The following OXR1 variants were observed in gnomAD, a reference collection of about 807,000 sequenced individuals.
The protein encoded by OXR1 is oxidation resistance protein 1.
OXR1 carries 41 observed loss-of-function variants against 104.6 expected under a neutral mutation model. That is an observed-to-expected ratio of 0.39 (90% confidence interval 0.31 to 0.51). The LOEUF is 0.51. OXR1 is among the 20% of genes least tolerant of loss of function. The pLI is 0.77. For synonymous variants in OXR1, 348 were observed against 348.4 expected (o/e 1.00, Z 0.01); for missense variants, 955 against 1,031.9 (o/e 0.93, Z 1.02).
rs907343723 is a variant in OXR1 at position 106,740,614 on chromosome 8, C to T, written c.2316+119C>T. ...CATTTTATTGTTTAACTGATAATTA[C>T]TGGGTACTTTTAATATGCAAGGCAA... On this transcript the variant is annotated intron_variant, in intron 14 of 16. Coordinates refer to ENST00000517566, the MANE Select transcript of OXR1 (RefSeq NM_001198533.2). The T allele has an allele frequency of 6.1e-6, 5 of 816,130 alleles. No homozygotes were observed. In the African/African-American group the frequency reaches 7.0e-5, roughly 11 times the overall value. The allele number at this position is 816,130 out of a possible 1,614,324, so 50.6% of individuals were successfully genotyped here. A position where few individuals can be genotyped will look rare whatever the true frequency, so the allele number is the denominator to read the frequency against.
intron 11 of OXR1, among the ~76,000 whole-genome samples, 181 bp downstream of exon 11, chr8:106,714,166 T>C (rs997326931): frequency 6.6e-6 from 1 of 152,032 alleles, no homozygotes. Context: ...TAATACTATA[T>C]TTGTCATTCT....
At chr8:106,629,409 A>C (rs532648807) in intron 3 of OXR1, among the ~76,000 whole-genome samples, 1 of 152,276 alleles carries the variant, frequency 6.6e-6, no homozygotes, top group South Asian at 2.1e-4. Context: ...AGTCAGTGTA[A>C]GTTCTATGAA....
chr8:106,631,725 ATGT>A (rs1337800896), intron 3 of OXR1, among the ~76,000 whole-genome samples: 4 of 152,186 alleles, frequency 2.6e-5, no homozygotes, highest in African/African-American at 7.2e-5. Flanking sequence ...GAGCTAGATC[ATGT>A]TGTAAAGGAT....
At chr8:106,517,198 T>A (rs192869237) in intron 2 of OXR1, among the ~76,000 whole-genome samples, 151 of 152,302 alleles carry the variant, frequency 9.9e-4, no homozygotes, top group African/African-American at 3.0e-3. Flanking sequence ...TTGTTGTCAA[T>A]GTAATAACTC....
rs114994773 is a variant in OXR1, at chr8:106,550,890, C to T, written c.220+31751C>T. ...TTAACAGTCCAAACTAAGTGATGAC[C>T]AAGCAATGCAGAAAAGAACTGTTAA... On this transcript the variant is annotated intron_variant, in intron 3 of 16. Transcript: ENST00000517566. Among the ~76,000 whole-genome samples, 241 of 152,262 alleles carry T rather than the reference C, an allele frequency of 1.6e-3. 1 individual carries two copies. The highest frequency in any genetic ancestry group is 5.7e-3 in the African/African-American group (236 of 41,544).
At chr8:106,337,039 T>C (rs1399342663) in intron 1 of OXR1, among the ~76,000 whole-genome samples, 1 of 152,240 alleles carries the variant, frequency 6.6e-6, no homozygotes, top group Non-Finnish European at 1.5e-5. Context: ...GTCAGTTTTC[T>C]AATTGGGAAA....
At chr8:106,329,233 C>T (rs1814609734) in intron 1 of OXR1, among the ~76,000 whole-genome samples, 1 of 151,702 alleles carries the variant, frequency 6.6e-6, no homozygotes, top group African/African-American at 2.4e-5. Context: ...CTCAGGTGAT[C>T]CGCCCACCTC....
intron 1 of OXR1, among the ~76,000 whole-genome samples, chr8:106,294,262 G>A (rs1812884572): frequency 6.6e-6 from 1 of 151,764 alleles, no homozygotes; most frequent in South Asian, 2.1e-4. Flanking sequence ...CGGGTGTGGT[G>A]GCATGTGCCT....
At chr8:106,584,702 A>C (rs1212607270) in intron 3 of OXR1, among the ~76,000 whole-genome samples, 1 of 152,160 alleles carries the variant, frequency 6.6e-6, no homozygotes, top group East Asian at 1.9e-4. Context: ...CACATTTTAA[A>C]AATTTCCCTC....
At chr8:106,722,520 T>G (rs941484381) in intron 11 of OXR1, among the ~76,000 whole-genome samples, 6 of 152,144 alleles carry the variant, frequency 3.9e-5, no homozygotes, top group Non-Finnish European at 8.8e-5. Context: ...TCCCCTGAGA[T>G]TATAATGGAG....
intron 1 of OXR1, among the ~76,000 whole-genome samples, chr8:106,271,547 T>C (rs1165662377): frequency 6.6e-6 from 1 of 151,840 alleles, no homozygotes; most frequent in South Asian, 2.1e-4. Context: ...GGCGTGTGTG[T>C]GCGTGTGTGC....
chr8:106,717,282 A>G (rs1384291053), intron 11 of OXR1, among the ~76,000 whole-genome samples: 1 of 152,242 alleles, frequency 6.6e-6, no homozygotes, highest in Non-Finnish European at 1.5e-5. Flanking sequence ...ATTTATTTTA[A>G]AACAGGAAGA....
intron 1 of OXR1, among the ~76,000 whole-genome samples, chr8:106,344,253 CG>C (rs1487168527): frequency 4.6e-5 from 7 of 151,266 alleles, no homozygotes; most frequent in African/African-American, 1.7e-4. Context: ...CTGCTTCCCA[CG>C]AACTACAGTT....
chr8:106,565,155 G>C (rs951880506), intron 3 of OXR1, among the ~76,000 whole-genome samples: 4 of 151,136 alleles, frequency 2.6e-5, no homozygotes, highest in South Asian at 4.2e-4. Flanking sequence ...AGAAAGAAAG[G>C]GTATACAAAT....
At chr8:106,574,012 T>C (rs1817656515) in intron 3 of OXR1, among the ~76,000 whole-genome samples, 1 of 152,202 alleles carries the variant, frequency 6.6e-6, no homozygotes, top group South Asian at 2.1e-4. Context: ...CGCAAACTGC[T>C]ATATTAATTG....
intron 2 of OXR1, among the ~76,000 whole-genome samples, chr8:106,439,869 A>G (rs912314506): frequency 3.9e-5 from 6 of 152,150 alleles, no homozygotes; most frequent in Non-Finnish European, 8.8e-5. Context: ...AAGTTTTAAT[A>G]TAGTTCTAAT....
intron 6 of OXR1, among the ~76,000 whole-genome samples, chr8:106,688,867 A>G (rs1054214895): frequency 1.3e-5 from 2 of 152,262 alleles, no homozygotes; most frequent in South Asian, 2.1e-4. Context: ...AATGATGACT[A>G]CTAGCAAGTG....
chr8:106,408,492 G>A (rs1225147580), intron 2 of OXR1, among the ~76,000 whole-genome samples: 1 of 152,100 alleles, frequency 6.6e-6, no homozygotes, highest in Non-Finnish European at 1.5e-5. Flanking sequence ...ATTTTCAAGG[G>A]GAGGGAATAA....
intron 2 of OXR1, among the ~76,000 whole-genome samples, chr8:106,475,407 G>T (rs1172629362): frequency 6.6e-6 from 1 of 151,914 alleles, no homozygotes; most frequent in Non-Finnish European, 1.5e-5. Context: ...ACATTGAGTA[G>T]GCTGAGGAGG....
Sources: allele counts gnomAD v4.1 joint callset (sites outside exome capture counted in the v4.1 genomes callset), GRCh38; gene constraint gnomAD v4.1.1; transcripts MANE v1.5; gene names NCBI Gene and HGNC (gene_info 2026-07-23, HGNC 2026-07-21).